Variants in CA7 observed in about 807,000 individuals in gnomAD.
CA7 encodes the protein carbonate dehydratase VII.
In CA7, 13 loss-of-function variants were observed where a neutral mutation model predicts 31.4. That is an observed-to-expected ratio of 0.41 (90% CI 0.27 to 0.66). CA7 has a LOEUF of 0.66. Among genes scored for constraint, CA7 ranks in the 30% least tolerant of loss-of-function variants. CA7 has a pLI of 0.28. For missense variants in CA7, 215 were observed against 351.0 expected (o/e 0.61, Z 3.10); for synonymous variants, 128 against 133.2 (o/e 0.96, Z 0.27).
chr16:66,847,150 A>AAT lies in CA7; in HGVS notation c.161_162insAT (p.Ala55TrpfsTer17). 6.2e-7 allele frequency: 1 copy of AAT among 1,614,208 alleles called. No individual in the cohort carries two copies. Among genetic ancestry groups the AAT allele is most frequent in the Non-Finnish European group, 8.5e-7 (1 of 1,180,024 alleles). On this transcript the variant is annotated frameshift_variant, in exon 2 of 7. Coordinates refer to ENST00000338437, the MANE Select transcript of CA7 (RefSeq NM_005182.3). LOFTEE classifies it high-confidence loss of function. ...CTGCAACCACTGGAGCTTTCCTATG[A>AAT]GGCCTGCATGTCCCTCAGCATCACC... is the stretch of plus-strand genomic sequence containing the variant.
intron 6 of CA7, 88 bp downstream of exon 6, chr16:66,852,955 C>T: frequency 1.7e-6 from 2 of 1,202,298 alleles, no homozygotes; most frequent in Non-Finnish European, 2.3e-6. Context: ...ACCCCACAGC[C>T]CGTGATCCCA....
chr16:66,853,338 C>G lies in CA7; in HGVS notation c.673-38C>G, dbSNP rs1168585256. ...CTGGGGTCATAGAGGACCACAGCAC[C>G]CCCAATCTGCCCTGAGCATTCCTTC... On this transcript the variant is annotated intron_variant, in intron 6 of 6. Transcript: ENST00000338437. The surrounding 1 kb of genome is among the most constrained non-coding windows in gnomAD (Gnocchi z 4.5). The G allele has an allele frequency of 6.2e-7, 1 of 1,613,320 alleles. No individual in the cohort carries two copies. Among genetic ancestry groups the G allele is most frequent in the South Asian group, 1.1e-5 (1 of 91,002 alleles).
chr16:66,852,457 C>T lies in CA7; in HGVS notation c.517-255C>T, dbSNP rs546508233. Among the ~76,000 whole-genome samples, 5 of 135,396 alleles carry T rather than the reference C, an allele frequency of 3.7e-5. No individual in the cohort carries two copies. In the East Asian group the frequency reaches 6.5e-4, roughly 18 times the overall value. 88.8% of individuals were successfully genotyped at this position (135,396 alleles called of 152,430 possible). A position where few individuals can be genotyped will look rare whatever the true frequency, so the allele number is the denominator to read the frequency against. On this transcript the variant is annotated intron_variant, in intron 5 of 6. Transcript: ENST00000338437. The stretch of plus-strand genomic sequence containing the variant: ...CAGCCTGGGTGACAGAGTGAGACTC[C>T]ACCTCAAAAAAAAAGAAAAAGAAAA...
At position 66,851,738 on chromosome 16, in the gene CA7, GC is replaced by G. The variant is rs1032171541; in HGVS notation, c.516+16del. ...TGGTCCGGTTCAAGGTAAAGTCCCT[GC>G]CCCTGACCCAAGCAGCCCGATGGGG... is the stretch of plus-strand genomic sequence containing the variant. On this transcript the variant is annotated intron_variant, in intron 5 of 6. Coordinates refer to ENST00000338437, the MANE Select transcript of CA7 (RefSeq NM_005182.3). 3 of 1,612,002 alleles carry G rather than the reference GC, an allele frequency of 1.9e-6. No homozygotes were observed. Among genetic ancestry groups the G allele is most frequent in the Non-Finnish European group, 2.5e-6 (3 of 1,178,924 alleles).
intron 2 of CA7, among the ~76,000 whole-genome samples, chr16:66,850,264 A>G (rs1004689835): frequency 6.6e-6 from 1 of 151,908 alleles, no homozygotes; most frequent in Admixed American, 6.6e-5. Flanking sequence ...ACATAGAGAG[A>G]CCCCATCTCT....
At position 66,853,134 on chromosome 16, in the gene CA7, ATAAGTCT is replaced by A. The variant is rs576104100; in HGVS notation, c.673-239_673-233del. On this transcript the variant is annotated intron_variant, in intron 6 of 6. Transcript: ENST00000338437. This position sits in a 1 kb window ranked among gnomAD's most constrained non-coding sequence, Gnocchi z 4.5. ...TGGAATCTGAATGCTACATTTGCTG[ATAAGTCT>A]TAGCTAGATGGGCTTGGAACTAGAA... Among the ~76,000 whole-genome samples, 841 of 152,284 alleles carry A rather than the reference ATAAGTCT, an allele frequency of 5.5e-3. 4 individuals carry two copies. The highest frequency in any genetic ancestry group is 0.019 in the African/African-American group (789 of 41,546).
intron 3 of CA7, 149 bp from the exon 4 acceptor site, chr16:66,851,314 T>A: frequency 1.3e-6 from 1 of 742,570 alleles, no homozygotes; most frequent in Non-Finnish European, 2.4e-6. Flanking sequence ...GGGGCTCCCC[T>A]GGACCCCCCA....
Position 66,853,391 on chromosome 16 carries a change from A to G in CA7, c.688A>G (p.Ser230Gly). Residue 230 changes from serine to glycine, a missense_variant, in exon 7 of 7, where the codon AGC (serine) becomes GGC (glycine). Coordinates refer to ENST00000338437, the MANE Select transcript of CA7 (RefSeq NM_005182.3). The surrounding 1 kb of genome is among the most constrained non-coding windows in gnomAD (Gnocchi z 4.5). ...CTTCCTCAAGATGGGGAAGTTCCGG[A>G]GCCTGCTTTTTACCTCGGAGGACGA... ...ISERQMGKFR[S>G]LLFTSEDDER... is the part of the protein sequence containing the mutation. 14 of 1,614,076 alleles carry G rather than the reference A, an allele frequency of 8.7e-6. No individual in the cohort carries two copies. The highest frequency in any genetic ancestry group is 1.2e-5 in the Non-Finnish European group (14 of 1,179,990).
rs1961102845 is a variant in CA7, at chr16:66,853,152, G to T, written c.673-224G>T. Among the ~76,000 whole-genome samples the T allele has an allele frequency of 6.6e-6, 1 of 152,134 alleles. No homozygotes were observed. Among genetic ancestry groups the T allele is most frequent in the Non-Finnish European group, 1.5e-5 (1 of 68,020 alleles). On this transcript the variant is annotated intron_variant, in intron 6 of 6. Coordinates refer to ENST00000338437, the MANE Select transcript of CA7 (RefSeq NM_005182.3). The surrounding 1 kb of genome is among the most constrained non-coding windows in gnomAD (Gnocchi z 4.5). ...TTTGCTGATAAGTCTTAGCTAGATG[G>T]GCTTGGAACTAGAACTAGGTAAAGC...
rs776317515 is a variant in CA7, at chr16:66,853,514, A to T, written c.*16A>T. 1.9e-5 allele frequency: 30 copies of T among 1,613,380 alleles called. No homozygotes were observed. Among genetic ancestry groups the T allele is most frequent in the African/African-American group, 2.7e-5 (2 of 74,922 alleles). On this transcript the variant is annotated 3_prime_UTR_variant, in exon 7 of 7. Coordinates refer to ENST00000338437, the MANE Select transcript of CA7 (RefSeq NM_005182.3). This position sits in a 1 kb window ranked among gnomAD's most constrained non-coding sequence, Gnocchi z 4.5. ...CCGGGCCTGAGCTGCCCATCTGCCT[A>T]GCCGGCCACTAGGGCACCATCTTCT...
Position 66,853,618 on chromosome 16 carries a change from G to T in CA7, c.*120G>T. On this transcript the variant is annotated 3_prime_UTR_variant, in exon 7 of 7. Coordinates refer to ENST00000338437, the MANE Select transcript of CA7 (RefSeq NM_005182.3). The surrounding 1 kb of genome is among the most constrained non-coding windows in gnomAD (Gnocchi z 4.5). Reference sequence around the variant, plus strand: ...GGTGCTGGGGACCCTCCTTCAGCCAGTTTGCTCCTTGGTCACCCTGGAGGC... The same window carrying T: ...GGTGCTGGGGACCCTCCTTCAGCCATTTTGCTCCTTGGTCACCCTGGAGGC... 2.9e-6 allele frequency: 4 copies of T among 1,376,402 alleles called. No individual in the cohort carries two copies. The South Asian group carries it at 5.3e-5, about 18-fold the overall frequency. 85.3% of individuals were successfully genotyped at this position (1,376,402 alleles called of 1,614,324 possible).
Position 66,844,437 on chromosome 16 carries a change from G to A in CA7, c.-51G>A, listed in dbSNP as rs566657773. On this transcript the variant is annotated 5_prime_UTR_variant, in exon 1 of 7. Coordinates refer to ENST00000338437, the MANE Select transcript of CA7 (RefSeq NM_005182.3). The stretch of plus-strand genomic sequence containing the variant: ...GCGGGGCCGGAGCCGCAGCCCGAAC[G>A]AGCGGACCGAGCCGACCGGGCAGGT... 6 of 1,490,634 alleles carry A rather than the reference G, an allele frequency of 4.0e-6. No homozygotes were observed. The highest frequency in any genetic ancestry group is 2.1e-5 in the Admixed American group (1 of 47,958). 92.3% of individuals were successfully genotyped at this position (1,490,634 alleles called of 1,614,324 possible).
intron 2 of CA7, 135 bp from the exon 3 acceptor site, chr16:66,850,406 A>C (rs1383796702): frequency 2.9e-6 from 2 of 686,550 alleles, no homozygotes; most frequent in Admixed American, 2.0e-5. Context: ...GCACCATGGC[A>C]CTCCAGCCTG....
intron 1 of CA7, among the ~76,000 whole-genome samples, chr16:66,846,763 G>A (rs1054158479): frequency 6.6e-6 from 1 of 152,220 alleles, no homozygotes; most frequent in Non-Finnish European, 1.5e-5. Context: ...CGAGCCTGTA[G>A]CTGTTATGTT....
Position 66,853,182 on chromosome 16 carries a change from C to A in CA7, c.673-194C>A, listed in dbSNP as rs1030239192. 6.6e-6 allele frequency among the ~76,000 whole-genome samples: 1 copy of A among 152,090 alleles called. No homozygotes were observed. Among genetic ancestry groups the A allele is most frequent in the African/African-American group, 2.4e-5 (1 of 41,412 alleles). On this transcript the variant is annotated intron_variant, in intron 6 of 6. Coordinates refer to ENST00000338437, the MANE Select transcript of CA7 (RefSeq NM_005182.3). The surrounding 1 kb of genome is among the most constrained non-coding windows in gnomAD (Gnocchi z 4.5). ...GGAACTAGAACTAGGTAAAGCAGAG[C>A]CCAGACCCTTTAGTGAGTAAATAAA...
chr16:66,847,110 G>T lies in CA7; in HGVS notation c.121G>T (p.Val41Leu). 1 of 1,614,204 alleles carries T rather than the reference G, an allele frequency of 6.2e-7. No homozygotes were observed. The highest frequency in any genetic ancestry group is 2.2e-5 in the East Asian group (1 of 44,886). Residue 41 changes from valine (V) to leucine (L), a missense_variant, in exon 2 of 7, where the codon GTG becomes TTG. Coordinates refer to ENST00000338437, the MANE Select transcript of CA7 (RefSeq NM_005182.3). ...SPINIISSQAVYSPSLQPLEL... is the reference protein window; with the variant it reads ...SPINIISSQALYSPSLQPLEL... ...CATCAATATCATCTCCAGCCAGGCT[G>T]TGTACTCTCCCAGCCTGCAACCACT...
Position 66,852,581 on chromosome 16 carries a change from GAAAAGAAAAAA to G in CA7, c.517-121_517-111del, listed in dbSNP as rs1434147387. 17 of 475,238 alleles carry G rather than the reference GAAAAGAAAAAA, an allele frequency of 3.6e-5. No homozygotes were observed. In the African/African-American group the frequency reaches 1.2e-3, roughly 34 times the overall value. The allele number at this position is 475,238 out of a possible 1,614,324, so 29.4% of individuals were successfully genotyped here. A position where few individuals can be genotyped will look rare whatever the true frequency, so the allele number is the denominator to read the frequency against. On this transcript the variant is annotated intron_variant, in intron 5 of 6. Transcript: ENST00000338437. ...AAGAAAGAAAGAAAAAGAAAGAAAAGAAAAGAAAAAAAAAAGAAAAGAAAAGAAAAAAGAAA... is the reference window on the plus strand; with the variant it reads ...AAGAAAGAAAGAAAAAGAAAGAAAAGAAAAGAAAAGAAAAGAAAAAAGAAA...
rs1471208575 is a variant in CA7, at chr16:66,853,508, C to T, written c.*10C>T. On this transcript the variant is annotated 3_prime_UTR_variant, in exon 7 of 7. Transcript: ENST00000338437. This position sits in a 1 kb window ranked among gnomAD's most constrained non-coding sequence, Gnocchi z 4.5. ...CTCCTTCCGGGCCTGAGCTGCCCAT[C>T]TGCCTAGCCGGCCACTAGGGCACCA... 6.2e-7 allele frequency: 1 copy of T among 1,613,664 alleles called. No individual in the cohort carries two copies. Among genetic ancestry groups the T allele is most frequent in the Non-Finnish European group, 8.5e-7 (1 of 1,179,962 alleles).
chr16:66,853,517 C>G lies in CA7; in HGVS notation c.*19C>G. The G allele has an allele frequency of 6.2e-7, 1 of 1,613,284 alleles. No individual in the cohort carries two copies. Among genetic ancestry groups the G allele is most frequent in the South Asian group, 1.1e-5 (1 of 91,046 alleles). On this transcript the variant is annotated 3_prime_UTR_variant, in exon 7 of 7. Transcript: ENST00000338437. This position sits in a 1 kb window ranked among gnomAD's most constrained non-coding sequence, Gnocchi z 4.5. ...GGCCTGAGCTGCCCATCTGCCTAGC[C>G]GGCCACTAGGGCACCATCTTCTCAA...
Sources: gnomAD v4.1 joint callset for allele counts (sites outside exome capture counted in the v4.1 genomes callset) on GRCh38, gnomAD v4.1.1 for gene constraint, Gnocchi (gnomAD v3.1) non-coding constraint, MANE v1.5 for transcripts, NCBI Gene and HGNC (gene_info 2026-07-23, HGNC 2026-07-21) for gene names.